Variants in BAALC observed in about 807,000 individuals in gnomAD.
The protein encoded by BAALC is BAALC binder of MAP3K1 and KLF4.
In BAALC, 9 loss-of-function variants were observed where a neutral mutation model predicts 15.5. That is an observed-to-expected ratio of 0.58 (90% CI 0.35 to 1.02). The LOEUF is 1.02. BAALC is among the 50% of genes least tolerant of loss of function. BAALC has a pLI of 0.02. For synonymous variants in BAALC, 80 were observed against 74.6 expected, an observed-to-expected ratio of 1.07 and a Z score of -0.37; for missense variants, 201 against 192.4, an observed-to-expected ratio of 1.04 and a Z score of -0.27.
chr8:103,157,726 G>A (rs981499129), intron 1 of BAALC, among the ~76,000 whole-genome samples: 1 of 152,166 alleles, frequency 6.6e-6, no homozygotes, highest in Non-Finnish European at 1.5e-5. Flanking sequence ...AAGCCTGCTT[G>A]AGCCTGGGAG....
chr8:103,213,875 G>C (rs1368960125), intron 2 of BAALC, among the ~76,000 whole-genome samples: 1 of 152,032 alleles, frequency 6.6e-6, no homozygotes, highest in Non-Finnish European at 1.5e-5. Context: ...GGTTCATTCT[G>C]TCTGTGCACA....
intron 1 of BAALC, among the ~76,000 whole-genome samples, chr8:103,168,089 G>A (rs999591055): frequency 1.9e-4 from 29 of 151,984 alleles, no homozygotes; most frequent in African/African-American, 6.5e-4. Context: ...GTCCAATGTG[G>A]TAACCACCAG....
chr8:103,213,659 T>A (rs1812502074), intron 2 of BAALC: 1 of 153,004 alleles, frequency 6.5e-6, no homozygotes, highest in Non-Finnish European at 1.5e-5. Flanking sequence ...GTTGGGAAGA[T>A]CCTCTTATGG....
At chr8:103,206,399 G>T (rs1480950525) in intron 1 of BAALC, among the ~76,000 whole-genome samples, 1 of 152,138 alleles carries the variant, frequency 6.6e-6, no homozygotes, top group Non-Finnish European at 1.5e-5. Context: ...CTTGCTGAGA[G>T]ATTTTCTTGG....
chr8:103,150,354 T>TGTGTGTGTGC (rs1810960565), intron 1 of BAALC, among the ~76,000 whole-genome samples: 1 of 77,210 alleles, frequency 1.3e-5, no homozygotes, highest in African/African-American at 5.0e-5. Flanking sequence ...TGTGTGTGTC[T>TGTGTGTGTGC]GTGTGTCTGT....
intron 1 of BAALC, among the ~76,000 whole-genome samples, chr8:103,183,910 A>G (rs909416961): frequency 6.6e-6 from 1 of 152,182 alleles, no homozygotes; most frequent in African/African-American, 2.4e-5. Context: ...AGCTACCACA[A>G]CTTTAGTGGC....
intron 1 of BAALC, among the ~76,000 whole-genome samples, chr8:103,143,910 A>G (rs1810833353): frequency 6.6e-6 from 1 of 152,178 alleles, no homozygotes; most frequent in Non-Finnish European, 1.5e-5. Context: ...GAATCAATTT[A>G]GCCTGAATTC....
At chr8:103,145,203 T>A (rs1342155450) in intron 1 of BAALC, among the ~76,000 whole-genome samples, 3 of 152,240 alleles carry the variant, frequency 2.0e-5, no homozygotes, top group African/African-American at 7.2e-5. Context: ...TGGAATATCT[T>A]TTCCCTAAGG....
chr8:103,188,548 AAT>A (rs1811897050), intron 1 of BAALC, among the ~76,000 whole-genome samples: 1 of 152,232 alleles, frequency 6.6e-6, no homozygotes, highest in African/African-American at 2.4e-5. Flanking sequence ...CTTTTAAAAT[AAT>A]AAGAAAGGGT....
chr8:103,226,880 A>G lies in BAALC; in HGVS notation c.328-1109A>G, dbSNP rs527519908. 7.9e-5 allele frequency among the ~76,000 whole-genome samples: 12 copies of G among 152,208 alleles called. 1 individual carries two copies. The highest frequency in any genetic ancestry group is 1.6e-4 in the Non-Finnish European group (11 of 68,036). On this transcript the variant is annotated intron_variant, in intron 2 of 2. Transcript: ENST00000309982. ...ATAATATTATTATTCCCCATTTTAC[A>G]GATAAGGGTTAGAGAGTTGGAAAAA... is the stretch of plus-strand genomic sequence containing the variant.
At position 103,148,281 on chromosome 8, in the gene BAALC, T is replaced by G. The variant is rs7001897; in HGVS notation, c.160+7224T>G. Reference sequence around the variant, plus strand: ...TGATGCTGCCACCAGCCAAGGAGCATCAAGGAAAGTCCACTGAAAACCACT... The same window carrying G: ...TGATGCTGCCACCAGCCAAGGAGCAGCAAGGAAAGTCCACTGAAAACCACT... On this transcript the variant is annotated intron_variant, in intron 1 of 2. Transcript: ENST00000309982. Among the ~76,000 whole-genome samples, 4 of 151,898 alleles carry G rather than the reference T, an allele frequency of 2.6e-5. No homozygotes were observed. The South Asian group carries it at 8.3e-4, about 32-fold the overall frequency.
chr8:103,181,193 A>G (rs971324297), intron 1 of BAALC, among the ~76,000 whole-genome samples: 1 of 152,050 alleles, frequency 6.6e-6, no homozygotes, highest in Non-Finnish European at 1.5e-5. Context: ...AAGGGGAGGG[A>G]ATTAGCAATT....
At chr8:103,176,219 G>C (rs771146498) in intron 1 of BAALC, among the ~76,000 whole-genome samples, 7 of 152,086 alleles carry the variant, frequency 4.6e-5, no homozygotes, top group Non-Finnish European at 8.8e-5. Flanking sequence ...CACAAGAAAG[G>C]CTCTCTCACG....
In BAALC at chr8:103,140,859, C is replaced by G; in HGVS notation, c.-39C>G. On this transcript the variant is annotated 5_prime_UTR_variant, in exon 1 of 3. Coordinates refer to ENST00000309982, the MANE Select transcript of BAALC (RefSeq NM_024812.3). This position sits in a 1 kb window ranked among gnomAD's most constrained non-coding sequence, Gnocchi z 4.2. ...GGGGCTGAGCCGCCGCCAGAGCCGACAGCCGAGCAGCCGCTGGGCGCTCCC... is the reference window on the plus strand; with the variant it reads ...GGGGCTGAGCCGCCGCCAGAGCCGAGAGCCGAGCAGCCGCTGGGCGCTCCC... 1 of 1,454,602 alleles carries G rather than the reference C, an allele frequency of 6.9e-7. No individual in the cohort carries two copies. The highest frequency in any genetic ancestry group is 3.1e-5 in the East Asian group (1 of 32,206). 90.1% of individuals were successfully genotyped at this position (1,454,602 alleles called of 1,614,324 possible). A position where few individuals can be genotyped will look rare whatever the true frequency, so the allele number is the denominator to read the frequency against.
intron 1 of BAALC, among the ~76,000 whole-genome samples, chr8:103,142,463 A>C (rs187267295): frequency 6.6e-6 from 1 of 152,342 alleles, no homozygotes; most frequent in East Asian, 1.9e-4. Flanking sequence ...CAGTGTCAGC[A>C]TGAGGATAGA....
intron 2 of BAALC, among the ~76,000 whole-genome samples, chr8:103,214,214 A>G (rs1465109958): frequency 1.3e-5 from 2 of 152,180 alleles, no homozygotes; most frequent in African/African-American, 4.8e-5. Context: ...GGGCATTTCT[A>G]CAAACCCAGT....
Position 103,198,236 on chromosome 8 carries a change from T to A in BAALC, c.161-14683T>A, listed in dbSNP as rs1199950132. ...TTCCTATGTGGTGTTTCTGTTCTTA[T>A]GTATCATTATATTTGACTACTATTT... On this transcript the variant is annotated intron_variant, in intron 1 of 2. Coordinates refer to ENST00000309982, the MANE Select transcript of BAALC (RefSeq NM_024812.3). 3 of 630,982 alleles carry A rather than the reference T, an allele frequency of 4.8e-6. No homozygotes were observed. The African/African-American group carries it at 5.5e-5, about 12-fold the overall frequency. The allele number at this position is 630,982 out of a possible 1,614,324, so 39.1% of individuals were successfully genotyped here.
intron 1 of BAALC, among the ~76,000 whole-genome samples, chr8:103,143,598 C>T (rs1343225104): frequency 6.6e-6 from 1 of 152,188 alleles, no homozygotes; most frequent in African/African-American, 2.4e-5. Flanking sequence ...CATCTGAACA[C>T]TCCTTCAACC....
rs1013270336 is a variant in BAALC, at chr8:103,229,216, CAT to C, written c.*1118_*1119del. 21 of 152,210 alleles carry C rather than the reference CAT, an allele frequency of 1.4e-4. No homozygotes were observed. The highest frequency in any genetic ancestry group is 4.8e-4 in the African/African-American group (20 of 41,444). The allele number at this position is 152,210 out of a possible 1,614,324, so 9.4% of individuals were successfully genotyped here. ...AATAATTTTCTAGTATGTCTTGAAA[CAT>C]GTTCATCTGGAAGTATTTTCCTCCA... On this transcript the variant is annotated 3_prime_UTR_variant, in exon 3 of 3. Coordinates refer to ENST00000309982, the MANE Select transcript of BAALC (RefSeq NM_024812.3).
Sources: gnomAD v4.1 joint callset for allele counts (sites outside exome capture counted in the v4.1 genomes callset) on GRCh38, gnomAD v4.1.1 for gene constraint, Gnocchi (gnomAD v3.1) non-coding constraint, MANE v1.5 for transcripts, NCBI Gene and HGNC (gene_info 2026-07-23, HGNC 2026-07-21) for gene names.